Variants in USP13 observed in about 807,000 individuals in gnomAD.
The protein encoded by USP13 is ubiquitin specific peptidase 13.
A neutral mutation model predicts 107.8 loss-of-function variants in USP13; 68 were observed. The observed-to-expected ratio is 0.63, with a 90% confidence interval of 0.52 to 0.77. The LOEUF (loss-of-function observed/expected upper bound fraction) is 0.77, where lower values mean the gene tolerates loss of function less well. Ranked by LOEUF, USP13 falls within the 30% of genes least tolerant of loss-of-function variation. USP13 has a pLI of 0.00. For synonymous variants in USP13, 377 were observed against 389.5 expected, an observed-to-expected ratio of 0.97 and a Z score of 0.38; for missense variants, 945 against 1,093.3, an observed-to-expected ratio of 0.86 and a Z score of 1.91.
At chr3:179,743,461 G>A (rs551143607) in intron 12 of USP13, among the ~76,000 whole-genome samples, 16 of 151,874 alleles carry the variant, frequency 1.1e-4, no homozygotes, top group Non-Finnish European at 1.6e-4. Flanking sequence ...GTGTGTGGGG[G>A]GTGGTGGGTC....
chr3:179,765,584 T>C, intron 18 of USP13, 111 bp from the exon 19 acceptor site: 2 of 1,335,280 alleles, frequency 1.5e-6, no homozygotes, highest in South Asian at 3.0e-5. Flanking sequence ...TAGGACTAAT[T>C]AATTCAGACC....
chr3:179,721,793 C>T lies in USP13; in HGVS notation c.1088+204C>T, dbSNP rs191186889. On this transcript the variant is annotated intron_variant, in intron 8 of 20. Coordinates refer to ENST00000263966, the MANE Select transcript of USP13 (RefSeq NM_003940.3). The surrounding 1 kb of genome is among the most constrained non-coding windows in gnomAD (Gnocchi z 4.3). ...GGTGAGATAAGAAGAGCTTTGTGGC[C>T]GGGCGCAGTGTCTAACGCCTGTAAT... 5.0e-4 allele frequency among the ~76,000 whole-genome samples: 76 copies of T among 152,138 alleles called. No individual in the cohort carries two copies. Among genetic ancestry groups the T allele is most frequent in the African/African-American group, 1.7e-3 (72 of 41,514 alleles).
chr3:179,728,050 G>C (rs1387637899), intron 8 of USP13, among the ~76,000 whole-genome samples: 1 of 68,600 alleles, frequency 1.5e-5, no homozygotes, highest in Non-Finnish European at 3.5e-5. Context: ...CCTCCCGGAC[G>C]GGGCGGCTGG....
At chr3:179,731,272 G>A (rs150707870) in intron 10 of USP13, among the ~76,000 whole-genome samples, 4 of 152,280 alleles carry the variant, frequency 2.6e-5, no homozygotes, top group African/African-American at 4.8e-5. Flanking sequence ...TTAGCTGGGC[G>A]TGGTGGTGCA....
chr3:179,770,444 C>T (rs186014570), intron 19 of USP13, among the ~76,000 whole-genome samples: 299 of 152,100 alleles, frequency 2.0e-3, no homozygotes, highest in Non-Finnish European at 3.0e-3. Context: ...ATAAAGGTAC[C>T]GATTTTGTAA....
rs763546059 is a variant in USP13 at position 179,730,585 on chromosome 3, C to G, written c.1161-31C>G. The G allele has an allele frequency of 1.9e-6, 3 of 1,567,200 alleles. No individual in the cohort carries two copies. In the South Asian group the frequency reaches 3.5e-5, roughly 18 times the overall value. ...ATTACTATGGAAAAACAACAATGAC[C>G]TTTTTGTTTCTGTTTCTCTGTCCTG... On this transcript the variant is annotated intron_variant, in intron 9 of 20. Transcript: ENST00000263966.
At chr3:179,747,278 T>C (rs1714443827) in intron 13 of USP13, among the ~76,000 whole-genome samples, 1 of 152,230 alleles carries the variant, frequency 6.6e-6, no homozygotes, top group Admixed American at 6.5e-5. Context: ...CTATTAGTGA[T>C]GGAAGCAATT....
chr3:179,655,633 C>T (rs747283073), intron 1 of USP13, among the ~76,000 whole-genome samples: 2 of 150,142 alleles, frequency 1.3e-5, no homozygotes, highest in Non-Finnish European at 1.5e-5. Context: ...CAGCTCACTG[C>T]AACCTCTGCC....
At chr3:179,686,884 C>A (rs1366719897) in intron 2 of USP13, among the ~76,000 whole-genome samples, 1 of 152,222 alleles carries the variant, frequency 6.6e-6, no homozygotes. Context: ...TTCTTTGACA[C>A]CATTCTTTCT....
chr3:179,715,585 G>A (rs1323268138), intron 6 of USP13, among the ~76,000 whole-genome samples: 1 of 151,884 alleles, frequency 6.6e-6, no homozygotes, highest in African/African-American at 2.4e-5. Flanking sequence ...GGCTGGTCTC[G>A]AACTCCTGAC....
In USP13 at chr3:179,681,913, A is replaced by G. The variant is rs749180490; in HGVS notation, c.204A>G (p.Thr68=). 1 of 1,613,956 alleles carries G rather than the reference A, an allele frequency of 6.2e-7. No homozygotes were observed. Among genetic ancestry groups the G allele is most frequent in the East Asian group, 2.2e-5 (1 of 44,870 alleles). The change falls in exon 2 of 21, where the codon ACA becomes ACG. Residue 68 remains threonine, a synonymous_variant. Coordinates refer to ENST00000263966, the MANE Select transcript of USP13 (RefSeq NM_003940.3). ...GTGGACTCTATGTATGCATGAATAC[A>G]TTTTTGGCCTTTGGAAGGGAACATG... ...SEGGLYVCMN[T]FLAFGREHVE...
chr3:179,764,935 C>G (rs1715125916), intron 18 of USP13, among the ~76,000 whole-genome samples: 1 of 152,110 alleles, frequency 6.6e-6, no homozygotes, highest in Non-Finnish European at 1.5e-5. Flanking sequence ...CAACCTGTCT[C>G]CCTTTAAGAT....
intron 7 of USP13, among the ~76,000 whole-genome samples, chr3:179,720,891 C>T (rs186224206): frequency 1.1e-4 from 17 of 151,884 alleles, no homozygotes; most frequent in Admixed American, 2.6e-4. Context: ...TCACTGAAAC[C>T]TCCGCCTCCT....
At chr3:179,690,900 A>G (rs1274968629) in intron 3 of USP13, among the ~76,000 whole-genome samples, 3 of 152,122 alleles carry the variant, frequency 2.0e-5, no homozygotes, top group Admixed American at 1.3e-4. Context: ...TCTTGCAGTG[A>G]CTCACGCCTG....
At chr3:179,658,470 T>C (rs767531150) in intron 1 of USP13, among the ~76,000 whole-genome samples, 12 of 152,182 alleles carry the variant, frequency 7.9e-5, no homozygotes, top group Non-Finnish European at 1.6e-4. Flanking sequence ...AGTGGAGCTG[T>C]TTATGCCTTG....
chr3:179,736,517 C>T (rs1303946963), intron 10 of USP13, among the ~76,000 whole-genome samples: 2 of 152,208 alleles, frequency 1.3e-5, no homozygotes, highest in Non-Finnish European at 2.9e-5. Flanking sequence ...CAGCTGTGAA[C>T]CCCAGGAACT....
In USP13 at chr3:179,653,569, C is replaced by G. The variant is rs1720155887; in HGVS notation, c.168+176C>G. ...GTGAGCGCCCCAGGGCTGCTGCAGC[C>G]GAGGACTGGCTCGTGCTGGTGGTTT... On this transcript the variant is annotated intron_variant, in intron 1 of 20. Coordinates refer to ENST00000263966, the MANE Select transcript of USP13 (RefSeq NM_003940.3). This position sits in a 1 kb window ranked among gnomAD's most constrained non-coding sequence, Gnocchi z 4.0. 2 of 882,146 alleles carry G rather than the reference C, an allele frequency of 2.3e-6. No individual in the cohort carries two copies. Among genetic ancestry groups the G allele is most frequent in the South Asian group, 3.7e-5 (2 of 54,510 alleles). 54.6% of individuals were successfully genotyped at this position (882,146 alleles called of 1,614,324 possible).
intron 1 of USP13, among the ~76,000 whole-genome samples, chr3:179,670,403 T>C (rs1410190280): frequency 6.6e-6 from 1 of 152,204 alleles, no homozygotes. Context: ...GGCCTTCTTT[T>C]GCCTCTAGAG....
At chr3:179,676,822 G>T (rs1206263548) in intron 1 of USP13, among the ~76,000 whole-genome samples, 2 of 152,116 alleles carry the variant, frequency 1.3e-5, no homozygotes, top group Admixed American at 1.3e-4. Flanking sequence ...CATGTAAAGG[G>T]GCACACACTA....
Sources: allele counts gnomAD v4.1 joint callset (sites outside exome capture counted in the v4.1 genomes callset), GRCh38; gene constraint gnomAD v4.1.1; non-coding constraint Gnocchi (gnomAD v3.1); transcripts MANE v1.5; gene names NCBI Gene and HGNC (gene_info 2026-07-23, HGNC 2026-07-21).